Variants in ADAMTS19 observed in about 807,000 individuals in gnomAD.
ADAMTS19 encodes A disintegrin and metalloproteinase with thrombospondin motifs 19.
A neutral mutation model predicts 153.3 loss-of-function variants in ADAMTS19; 93 were observed. The observed-to-expected ratio is 0.61, with a 90% CI of 0.51 to 0.72. The LOEUF is 0.72. ADAMTS19 is among the 30% of genes least tolerant of loss of function. The probability of loss-of-function intolerance (pLI) is 0.00; values close to 1 mark genes in which losing one functional copy is unlikely to be tolerated. For missense variants in ADAMTS19, 1,482 were observed against 1,552.1 expected, an observed-to-expected ratio of 0.95 and a Z score of 0.76; for synonymous variants, 600 against 556.6, an observed-to-expected ratio of 1.08 and a Z score of -1.10.
chr5:129,655,275 G>A (rs1753495876), intron 14 of ADAMTS19, among the ~76,000 whole-genome samples: 1 of 152,182 alleles, frequency 6.6e-6, no homozygotes, highest in Non-Finnish European at 1.5e-5. Context: ...CCATTTTGGT[G>A]AGAAAATCAG....
rs560518605 is a variant in ADAMTS19 at position 129,627,138 on chromosome 5, T to C, written c.1770+4790T>C. 6.0e-4 allele frequency among the ~76,000 whole-genome samples: 92 copies of C among 152,110 alleles called. 1 individual carries two copies. Among genetic ancestry groups the C allele is most frequent in the African/African-American group, 1.5e-3 (64 of 41,528 alleles). On this transcript the variant is annotated intron_variant, in intron 10 of 22. Transcript: ENST00000274487. ...TATATTTGGAAGTCATTAAGAAGTATAAGATATTGGGGACATGATACTAAA... is the reference window on the plus strand; with the variant it reads ...TATATTTGGAAGTCATTAAGAAGTACAAGATATTGGGGACATGATACTAAA...
intron 6 of ADAMTS19, among the ~76,000 whole-genome samples, chr5:129,529,193 G>A (rs554526545): frequency 6.6e-6 from 1 of 151,950 alleles, no homozygotes; most frequent in Non-Finnish European, 1.5e-5. Flanking sequence ...AAATGTAAGT[G>A]AAATAATGAG....
chr5:129,515,028 C>T (rs1400066624), intron 3 of ADAMTS19, among the ~76,000 whole-genome samples: 1 of 152,030 alleles, frequency 6.6e-6, no homozygotes, highest in Non-Finnish European at 1.5e-5. Context: ...TTTCCCAGTA[C>T]CATTTATCAA....
intron 10 of ADAMTS19, among the ~76,000 whole-genome samples, chr5:129,625,393 A>G (rs1243395409): frequency 6.7e-6 from 1 of 150,058 alleles, no homozygotes; most frequent in Non-Finnish European, 1.5e-5. Context: ...CTAGTTCTAG[A>G]TCCTTGAGGA....
At chr5:129,732,072 C>A (rs1757464652) in intron 21 of ADAMTS19, among the ~76,000 whole-genome samples, 1 of 151,980 alleles carries the variant, frequency 6.6e-6, no homozygotes, top group African/African-American at 2.4e-5. Context: ...TGTATGAAAC[C>A]AAGAGACTTC....
At chr5:129,684,708 C>T (rs1441809486) in intron 18 of ADAMTS19, among the ~76,000 whole-genome samples, 2 of 151,848 alleles carry the variant, frequency 1.3e-5, no homozygotes, top group Non-Finnish European at 3.0e-5. Context: ...ATTATTTGGG[C>T]CGGGCGCGGT....
chr5:129,543,035 T>G (rs1223038964), intron 6 of ADAMTS19, among the ~76,000 whole-genome samples: 1 of 147,358 alleles, frequency 6.8e-6, no homozygotes, highest in Non-Finnish European at 1.5e-5. Context: ...TTTTTTGTTG[T>G]TGTTGTTGTT....
chr5:129,598,024 T>C (rs979229380), intron 8 of ADAMTS19, among the ~76,000 whole-genome samples: 12 of 152,322 alleles, frequency 7.9e-5, no homozygotes, highest in Admixed American at 6.5e-4. Flanking sequence ...GTATTTTAAT[T>C]GGACTCAGAT....
At chr5:129,469,644 G>T (rs1186122714) in intron 2 of ADAMTS19, among the ~76,000 whole-genome samples, 1 of 152,154 alleles carries the variant, frequency 6.6e-6, no homozygotes, top group African/African-American at 2.4e-5. Flanking sequence ...TGGACTAGTT[G>T]TATCTATATA....
At chr5:129,519,691 A>G (rs902975167) in intron 3 of ADAMTS19, among the ~76,000 whole-genome samples, 2 of 151,898 alleles carry the variant, frequency 1.3e-5, no homozygotes, top group Non-Finnish European at 2.9e-5. Context: ...TTTTTAAGAA[A>G]TACACAAGGG....
At chr5:129,688,304 C>T (rs1342945684) in intron 18 of ADAMTS19, 1 of 152,084 alleles carries the variant, frequency 6.6e-6, no homozygotes, top group East Asian at 1.9e-4. Flanking sequence ...TATTCTACTT[C>T]ATAAGAATAT....
chr5:129,490,191 C>G (rs140712221), intron 2 of ADAMTS19, among the ~76,000 whole-genome samples: 152 of 152,252 alleles, frequency 1.0e-3, no homozygotes, highest in Middle Eastern at 3.4e-3. Flanking sequence ...CAGTTCTCCT[C>G]CCAAAATTCT....
At chr5:129,662,061 A>C in intron 15 of ADAMTS19, among the ~76,000 whole-genome samples, 1 of 152,208 alleles carries the variant, frequency 6.6e-6, no homozygotes, top group East Asian at 1.9e-4. Flanking sequence ...CATCATACTA[A>C]ATTAGAAGTG....
intron 7 of ADAMTS19, among the ~76,000 whole-genome samples, chr5:129,591,003 A>C (rs2126907361): frequency 6.6e-6 from 1 of 152,298 alleles, no homozygotes; most frequent in Non-Finnish European, 1.5e-5. Context: ...GATGTGCTAC[A>C]TGGTTGGCAC....
At chr5:129,723,806 C>A (rs886492726) in intron 21 of ADAMTS19, among the ~76,000 whole-genome samples, 2 of 152,168 alleles carry the variant, frequency 1.3e-5, no homozygotes, top group African/African-American at 4.8e-5. Flanking sequence ...CCATGGTAAT[C>A]AGGCTACAGC....
intron 7 of ADAMTS19, among the ~76,000 whole-genome samples, chr5:129,571,915 A>C (rs898920383): frequency 1.3e-5 from 2 of 151,888 alleles, no homozygotes; most frequent in African/African-American, 4.8e-5. Flanking sequence ...AAAAAGTTTT[A>C]TCTCTTCAAA....
chr5:129,492,506 AGTGTGTGT>A (rs148015134), intron 2 of ADAMTS19, among the ~76,000 whole-genome samples: 1 of 146,350 alleles, frequency 6.8e-6, no homozygotes, highest in Non-Finnish European at 1.5e-5. Context: ...ATTAAAGGTC[AGTGTGTGT>A]GTGTGTGTGT....
chr5:129,701,871 G>A (rs144309778), intron 20 of ADAMTS19, among the ~76,000 whole-genome samples: 1 of 151,952 alleles, frequency 6.6e-6, no homozygotes, highest in South Asian at 2.1e-4. Context: ...CTATACTCTT[G>A]AGTTGGCACA....
At chr5:129,613,274 C>T (rs1353751947) in intron 8 of ADAMTS19, among the ~76,000 whole-genome samples, 1 of 152,152 alleles carries the variant, frequency 6.6e-6, no homozygotes, top group Non-Finnish European at 1.5e-5. Flanking sequence ...AAATTGACCA[C>T]ATATTTGGAA....
Sources: gnomAD v4.1 joint callset for allele counts (sites outside exome capture counted in the v4.1 genomes callset) on GRCh38, gnomAD v4.1.1 for gene constraint, MANE v1.5 for transcripts, NCBI Gene and HGNC (gene_info 2026-07-23, HGNC 2026-07-21) for gene names.